GPD2: variants seen among roughly 807,000 people sequenced by gnomAD.
GPD2 encodes glycerol-3-phosphate dehydrogenase, mitochondrial.
Under a neutral mutation model 82.4 loss-of-function variants are expected in GPD2, and 54 were observed. The ratio of observed to expected loss-of-function variants is 0.66; its 90% CI spans 0.53 to 0.82. GPD2 has a LOEUF of 0.82. GPD2 is among the 40% of genes least tolerant of loss of function. GPD2 has a pLI of 0.00. For synonymous variants in GPD2, 288 were observed against 306.1 expected, an observed-to-expected ratio of 0.94 and a Z score of 0.62; for missense variants, 748 against 896.2, an observed-to-expected ratio of 0.83 and a Z score of 2.11.
intron 1 of GPD2, among the ~76,000 whole-genome samples, chr2:156,464,609 A>T (rs941168598): frequency 6.6e-6 from 1 of 152,192 alleles, no homozygotes; most frequent in African/African-American, 2.4e-5. Context: ...CTTATACATT[A>T]AATATATGTG....
chr2:156,572,846 T>C (rs1490031401), intron 13 of GPD2, among the ~76,000 whole-genome samples: 1 of 152,150 alleles, frequency 6.6e-6, no homozygotes, highest in African/African-American at 2.4e-5. Flanking sequence ...AGAAATACCA[T>C]AGACTGGGTG....
the GPD2 span, among the ~76,000 whole-genome samples, chr2:156,402,805 T>A: frequency 6.6e-6 from 1 of 152,176 alleles, no homozygotes; most frequent in African/African-American, 2.4e-5. Context: ...GGTGAGCCAC[T>A]GTGCCTGGCC....
At position 156,487,915 on chromosome 2, in the gene GPD2, A is replaced by G. The variant is rs185063637; in HGVS notation, c.103-8129A>G. 1.9e-4 allele frequency among the ~76,000 whole-genome samples: 29 copies of G among 152,328 alleles called. No individual in the cohort carries two copies. The East Asian group carries it at 4.0e-3, about 21-fold the overall frequency. ...AGACAGAGCCAAGGGGTTTTCCTCA[A>G]TTTTTAGCTATAAAAAGTTTGATAA... On this transcript the variant is annotated intron_variant, in intron 2 of 16. Transcript: ENST00000438166.
chr2:156,555,691 T>G (rs1302279943), intron 8 of GPD2, among the ~76,000 whole-genome samples: 1 of 152,188 alleles, frequency 6.6e-6, no homozygotes, highest in African/African-American at 2.4e-5. Context: ...TTTAGATAGT[T>G]TTATGATAAA....
chr2:156,501,437 G>A (rs1174886060), intron 3 of GPD2, among the ~76,000 whole-genome samples: 1 of 152,072 alleles, frequency 6.6e-6, no homozygotes, highest in Non-Finnish European at 1.5e-5. Flanking sequence ...TGTGACCTTC[G>A]ACAAGTGGCT....
At chr2:156,509,784 T>TA (rs1553471068) in intron 3 of GPD2, among the ~76,000 whole-genome samples, 4 of 146,788 alleles carry the variant, frequency 2.7e-5, no homozygotes, top group African/African-American at 5.2e-5. Context: ...TTTTTTTTTT[T>TA]ATTTCCTGAG....
chr2:156,436,568 T>C (rs1268095429), intron 1 of GPD2, 55 bp downstream of exon 1: 1 of 151,750 alleles, frequency 6.6e-6, no homozygotes, highest in African/African-American at 2.4e-5. Flanking sequence ...AGGGGGGGAG[T>C]GGTCCCTTTC....
chr2:156,445,270 C>T (rs988240399), intron 1 of GPD2, among the ~76,000 whole-genome samples: 6 of 152,138 alleles, frequency 3.9e-5, no homozygotes, highest in Non-Finnish European at 8.8e-5. Context: ...TAAAGCCATG[C>T]ATGTGGTTAT....
chr2:156,448,460 AAC>A (rs749327565), intron 1 of GPD2, among the ~76,000 whole-genome samples: 4 of 152,346 alleles, frequency 2.6e-5, no homozygotes, highest in Non-Finnish European at 4.4e-5. Flanking sequence ...GTACAAAACA[AAC>A]ACAGTTTCTG....
chr2:156,431,179 A>G (rs1688311846), upstream of GPD2, among the ~76,000 whole-genome samples: 1 of 152,258 alleles, frequency 6.6e-6, no homozygotes, highest in African/African-American at 2.4e-5. Context: ...ATTTGACACC[A>G]GAAATCTGAA....
At chr2:156,544,086 G>T (rs1686431125) in intron 6 of GPD2, among the ~76,000 whole-genome samples, 1 of 152,104 alleles carries the variant, frequency 6.6e-6, no homozygotes, top group South Asian at 2.1e-4. Context: ...TATTGTACAT[G>T]CATTGGAATG....
At chr2:156,469,920 G>A (rs1285285727) in intron 1 of GPD2, among the ~76,000 whole-genome samples, 3 of 152,202 alleles carry the variant, frequency 2.0e-5, no homozygotes, top group African/African-American at 7.2e-5. Context: ...CCATCCAGAT[G>A]CCTAGAGAGG....
intron 13 of GPD2, among the ~76,000 whole-genome samples, chr2:156,575,606 A>G (rs1023994076): frequency 6.6e-6 from 1 of 151,490 alleles, no homozygotes; most frequent in Admixed American, 6.6e-5. Flanking sequence ...GGGTTTTGCC[A>G]TGCTGTCCGG....
chr2:156,408,075 C>T, the GPD2 span, among the ~76,000 whole-genome samples: 2 of 151,178 alleles, frequency 1.3e-5, no homozygotes, highest in Admixed American at 6.6e-5. Flanking sequence ...CCCACCTCAG[C>T]CTCCCGAGGA....
chr2:156,519,844 G>A (rs1336653755), intron 6 of GPD2, among the ~76,000 whole-genome samples: 2 of 152,246 alleles, frequency 1.3e-5, no homozygotes, highest in East Asian at 3.9e-4. Flanking sequence ...GCAGCATCTA[G>A]GGGTGTGTTA....
chr2:156,404,790 A>G, the GPD2 span, among the ~76,000 whole-genome samples: 4 of 150,322 alleles, frequency 2.7e-5, no homozygotes, highest in Admixed American at 2.7e-4. Flanking sequence ...GGAGGCAGAG[A>G]TTGCGATGAG....
intron 6 of GPD2, among the ~76,000 whole-genome samples, chr2:156,532,566 T>A (rs953878213): frequency 2.0e-5 from 3 of 152,224 alleles, no homozygotes; most frequent in African/African-American, 7.2e-5. Flanking sequence ...TATGGCATTT[T>A]AACCATTTTT....
chr2:156,534,699 G>A (rs1685996964), intron 6 of GPD2, among the ~76,000 whole-genome samples: 2 of 151,996 alleles, frequency 1.3e-5, no homozygotes, highest in Admixed American at 1.3e-4. Context: ...TTTTTCACAT[G>A]ACTAGCATTT....
At chr2:156,572,994 G>A (rs773375569) in intron 13 of GPD2, among the ~76,000 whole-genome samples, 10 of 152,128 alleles carry the variant, frequency 6.6e-5, no homozygotes, top group Non-Finnish European at 1.5e-4. Context: ...TTCTCACATA[G>A]CATGAGTGAA....
Sources: gnomAD v4.1 joint callset for allele counts (sites outside exome capture counted in the v4.1 genomes callset) on GRCh38, gnomAD v4.1.1 for gene constraint, MANE v1.5 for transcripts, NCBI Gene and HGNC (gene_info 2026-07-23, HGNC 2026-07-21) for gene names.